HMG20B: variants seen among roughly 807,000 people sequenced by gnomAD.
HMG20B encodes the protein high mobility group 20B.
Under a neutral mutation model 41.6 loss-of-function variants are expected in HMG20B, and 24 were observed. The observed-to-expected ratio is 0.58, with a 90% CI of 0.42 to 0.81. The LOEUF is 0.81. HMG20B is among the 30% of genes least tolerant of loss of function. HMG20B has a pLI of 0.00. For synonymous variants in HMG20B, 251 were observed against 186.6 expected, an observed-to-expected ratio of 1.34 and a Z score of -2.81; for missense variants, 461 against 444.0, an observed-to-expected ratio of 1.04 and a Z score of -0.34.
intron 5 of HMG20B, chr19:3,576,050 T>TCCGTGGGGCACAGTC (rs919098006): frequency 5.1e-5 from 30 of 591,576 alleles, no homozygotes; most frequent in African/African-American, 4.7e-4. Context: ...AGGGCCTCCC[T>TCCGTGGGGCACAGTC]CCGTGGGGCA....
chr19:3,576,093 TAGCCAGAC>T, intron 5 of HMG20B, 160 bp from the exon 6 acceptor site: 2 of 637,752 alleles, frequency 3.1e-6, no homozygotes, highest in Non-Finnish European at 5.6e-6. Flanking sequence ...GAAAGATACA[TAGCCAGAC>T]AGGAGTGAAG....
chr19:3,576,342 G>A, intron 6 of HMG20B, 35 bp downstream of exon 6: 1 of 1,606,378 alleles, frequency 6.2e-7, no homozygotes. Context: ...GCACCTGGGG[G>A]AGAAAGGTCT....
chr19:3,573,372 C>A (rs989923759), intron 2 of HMG20B, 25 bp downstream of exon 2: 1 of 1,515,498 alleles, frequency 6.6e-7, no homozygotes, highest in Non-Finnish European at 8.8e-7. Context: ...CCCCTCCCCA[C>A]GCCCTCGCTA....
intron 3 of HMG20B, 150 bp downstream of exon 3, chr19:3,573,950 G>T (rs1301125900): frequency 5.2e-6 from 4 of 765,772 alleles, no homozygotes; most frequent in Non-Finnish European, 6.8e-6. Context: ...CAGCTGCCAC[G>T]CCCCTGACAG....
At chr19:3,574,661 A>G in intron 4 of HMG20B, 75 bp downstream of exon 4, 1 of 1,298,260 alleles carries the variant, frequency 7.7e-7, no homozygotes, top group Non-Finnish European at 1.0e-6. Flanking sequence ...CCCCCAAAGG[A>G]TTCCACGTGC....
chr19:3,576,367 C>A, intron 6 of HMG20B, 60 bp downstream of exon 6: 1 of 1,556,302 alleles, frequency 6.4e-7, no homozygotes, highest in Non-Finnish European at 8.9e-7. Flanking sequence ...GCTTCTAGAA[C>A]CCTGAGTCAG....
At position 3,574,376 on chromosome 19, in the gene HMG20B, T is replaced by C. The variant is rs2032112186; in HGVS notation, c.148-7T>C. On this transcript the variant is annotated splice_region_variant and splice_polypyrimidine_tract_variant and intron_variant, in intron 3 of 9. Transcript: ENST00000333651. ...CCCCCTCCCAACGACGCAGCCCGGT[T>C]CTGCAGCCGGTGAAGAAACGCGGCT... 1.9e-6 allele frequency: 3 copies of C among 1,576,066 alleles called. No individual in the cohort carries two copies. The highest frequency in any genetic ancestry group is 2.6e-6 in the Non-Finnish European group (3 of 1,161,810).
At position 3,572,980 on chromosome 19, in the gene HMG20B, A is replaced by C; in HGVS notation, c.-33A>C. ...GCGTCGCGCAGTCGGGAGGTCCGGG[A>C]AAGTTTCTTTGGAGGTGAAAACAGC... On this transcript the variant is annotated 5_prime_UTR_variant, in exon 1 of 10. Transcript: ENST00000333651. 6.4e-6 allele frequency: 2 copies of C among 310,254 alleles called. No individual in the cohort carries two copies. The allele number at this position is 310,254 out of a possible 1,614,324, so 19.2% of individuals were successfully genotyped here.
At chr19:3,573,823 G>T (rs768220068) in intron 3 of HMG20B, 23 bp downstream of exon 3, 5 of 1,581,884 alleles carry the variant, frequency 3.2e-6, no homozygotes, top group East Asian at 2.3e-5. Flanking sequence ...GCGCTGAGCT[G>T]GGGGAGGCCC....
intron 8 of HMG20B, 30 bp from the exon 9 acceptor site, chr19:3,577,951 C>G: frequency 3.9e-6 from 6 of 1,554,718 alleles, no homozygotes; most frequent in Non-Finnish European, 5.2e-6. Flanking sequence ...TCCCCGGCAC[C>G]CTCGCCTGAC....
Position 3,578,494 on chromosome 19 carries a change from CCT to C in HMG20B, c.942-9_942-8del, listed in dbSNP as rs774242939. The C allele has an allele frequency of 2.3e-4, 355 of 1,538,752 alleles. 3 individuals carry two copies. The African/African-American group carries it at 3.7e-3, about 16-fold the overall frequency. The stretch of plus-strand genomic sequence containing the variant: ...TGATGAGGGCCTCATCCCGGGCCCT[CCT>C]CTCTCGTTTCAGCGAGCACCTGTGA... On this transcript the variant is annotated splice_polypyrimidine_tract_variant and intron_variant, in intron 9 of 9. Coordinates refer to ENST00000333651, the MANE Select transcript of HMG20B (RefSeq NM_006339.3).
chr19:3,573,070 T>C (rs1357930016), intron 1 of HMG20B, 76 bp downstream of exon 1: 8 of 482,068 alleles, frequency 1.7e-5, no homozygotes, highest in Non-Finnish European at 2.9e-5. Flanking sequence ...CCGGGGTCTT[T>C]CCTGGCCCGG....
intron 3 of HMG20B, 81 bp from the exon 4 acceptor site, chr19:3,574,302 C>A: frequency 8.5e-7 from 1 of 1,177,532 alleles, no homozygotes; most frequent in Non-Finnish European, 1.2e-6. Context: ...CGCCCATACG[C>A]GTTAGGCCCC....
intron 1 of HMG20B, 59 bp from the exon 2 acceptor site, chr19:3,573,233 C>T (rs1437034172): frequency 2.2e-6 from 3 of 1,394,322 alleles, no homozygotes; most frequent in Admixed American, 4.7e-5. Context: ...TACCCCAGTT[C>T]GCGGTCTGCC....
Position 3,578,010 on chromosome 19 carries a change from C to A in HMG20B, c.838C>A (p.Leu280Met). The change falls in exon 9 of 10, where the codon CTG becomes ATG. Residue 280 changes from leucine (L) to methionine (M), a missense_variant. By Grantham distance (15) the Leu-to-Met change is conservative. Transcript: ENST00000333651. ...GGGCGAAACGCCCACGCTGGGCACT[C>A]TGGACTTCTACATGGCCCGGCTTCA... is the stretch of plus-strand genomic sequence containing the variant. ...GTGETPTLGT[L>M]DFYMARLHGA... The A allele has an allele frequency of 1.2e-6, 2 of 1,607,460 alleles. No individual in the cohort carries two copies. Among genetic ancestry groups the A allele is most frequent in the South Asian group, 1.1e-5 (1 of 90,706 alleles).
At chr19:3,573,250 C>T (rs2032080088) in intron 1 of HMG20B, 42 bp from the exon 2 acceptor site, 2 of 1,480,876 alleles carry the variant, frequency 1.4e-6, no homozygotes, top group African/African-American at 1.5e-5. Context: ...TGCCATCGGG[C>T]AGCCCGGGCG....
rs1313905389 is a variant in HMG20B at position 3,578,820 on chromosome 19, G to A, written c.*299G>A. 12 of 693,450 alleles carry A rather than the reference G, an allele frequency of 1.7e-5. No individual in the cohort carries two copies. The highest frequency in any genetic ancestry group is 2.9e-5 in the South Asian group (2 of 68,754). The allele number at this position is 693,450 out of a possible 1,614,324, so 43.0% of individuals were successfully genotyped here. Reference sequence around the variant, plus strand: ...CACTGGCTCTCCGGGCCACCCCCAGGACACAGGGCAGACGAAACCCACCCC... The same window carrying A: ...CACTGGCTCTCCGGGCCACCCCCAGAACACAGGGCAGACGAAACCCACCCC... On this transcript the variant is annotated 3_prime_UTR_variant, in exon 10 of 10. Transcript: ENST00000333651.
At position 3,573,283 on chromosome 19, in the gene HMG20B, G is replaced by A. The variant is rs1395044505; in HGVS notation, c.-18-9G>A. 9.9e-6 allele frequency: 15 copies of A among 1,518,792 alleles called. No homozygotes were observed. Among genetic ancestry groups the A allele is most frequent in the Non-Finnish European group, 1.3e-5 (15 of 1,137,172 alleles). 94.1% of individuals were successfully genotyped at this position (1,518,792 alleles called of 1,614,324 possible). The stretch of plus-strand genomic sequence containing the variant: ...GCGCTACTCACCTCCGCCCGCGTCC[G>A]TGTTCCAGGTCCGGCCCGGAGCGGC... On this transcript the variant is annotated splice_polypyrimidine_tract_variant and intron_variant, in intron 1 of 9. Transcript: ENST00000333651.
chr19:3,575,978 G>T, intron 5 of HMG20B: 1 of 552,248 alleles, frequency 1.8e-6, no homozygotes, highest in Non-Finnish European at 3.2e-6. Context: ...AAAATGAAAG[G>T]TGGGAGGGGC....
Sources: gnomAD v4.1 joint callset for allele counts on GRCh38, gnomAD v4.1.1 for gene constraint, MANE v1.5 for transcripts, NCBI Gene and HGNC (gene_info 2026-07-23, HGNC 2026-07-21) for gene names.